The following BBS9 variants were observed in gnomAD, a reference collection of about 807,000 sequenced individuals.
The protein encoded by BBS9 is protein PTHB1.
BBS9 carries 89 observed loss-of-function variants against 117.7 expected under a neutral mutation model. That is an observed-to-expected ratio of 0.76 (90% CI 0.64 to 0.90). BBS9 has a LOEUF of 0.90. Ranked by LOEUF, BBS9 falls within the 40% of genes least tolerant of loss-of-function variation. The pLI is 0.00. For missense variants in BBS9, 982 were observed against 1,042.2 expected (o/e 0.94, Z 0.80); for synonymous variants, 379 against 370.9 (o/e 1.02, Z -0.25).
intron 16 of BBS9, 105 bp from the exon 17 acceptor site, chr7:33,367,662 G>T: frequency 1.2e-6 from 1 of 857,080 alleles, no homozygotes; most frequent in South Asian, 1.3e-5. Flanking sequence ...GTTTATACAT[G>T]ACTAGTGACA....
intron 5 of BBS9, among the ~76,000 whole-genome samples, chr7:33,196,923 A>G (rs916363858): frequency 4.6e-5 from 7 of 152,164 alleles, no homozygotes; most frequent in Non-Finnish European, 8.8e-5. Context: ...AAGGTTATAA[A>G]GAGAGTTCCC....
intron 16 of BBS9, among the ~76,000 whole-genome samples, chr7:33,367,520 G>A (rs1445179885): frequency 6.6e-6 from 1 of 152,208 alleles, no homozygotes; most frequent in South Asian, 2.1e-4. Context: ...CACGTGTTCT[G>A]TCTCATATGT....
Position 33,565,833 on chromosome 7 carries a change from ATATATACTGCT to A in BBS9, c.2521+31664_2521+31674del, listed in dbSNP as rs1268049916. On this transcript the variant is annotated intron_variant, in intron 21 of 22. Transcript: ENST00000242067. ...TATATATATATATATATATACCGCT[ATATATACTGCT>A]TATATATATATATATATATATATAT... Among the ~76,000 whole-genome samples, 21 of 44,290 alleles carry A rather than the reference ATATATACTGCT, an allele frequency of 4.7e-4. No homozygotes were observed. The African/African-American group carries it at 5.7e-3, about 12-fold the overall frequency. The allele number at this position is 44,290 out of a possible 152,430, so 29.1% of individuals were successfully genotyped here.
At chr7:33,546,018 C>T (rs1357497368) in intron 21 of BBS9, among the ~76,000 whole-genome samples, 1 of 141,094 alleles carries the variant, frequency 7.1e-6, no homozygotes, top group African/African-American at 2.6e-5. Flanking sequence ...ACTGCAAGCT[C>T]CGCCTCCCAG....
At chr7:33,284,480 T>C (rs1802506127) in intron 9 of BBS9, among the ~76,000 whole-genome samples, 1 of 152,178 alleles carries the variant, frequency 6.6e-6, no homozygotes, top group Non-Finnish European at 1.5e-5. Flanking sequence ...ATTTTTTCTG[T>C]AAATGCCACA....
intron 19 of BBS9, among the ~76,000 whole-genome samples, chr7:33,403,196 A>G (rs982757816): frequency 6.6e-6 from 1 of 151,606 alleles, no homozygotes; most frequent in Non-Finnish European, 1.5e-5. Context: ...CCTGTCACCC[A>G]GGTAGTGAAC....
At chr7:33,459,672 T>G (rs1839169406) in intron 19 of BBS9, among the ~76,000 whole-genome samples, 1 of 152,128 alleles carries the variant, frequency 6.6e-6, no homozygotes. Context: ...GCTCCAGGTT[T>G]GTCTTATATA....
intron 5 of BBS9, among the ~76,000 whole-genome samples, chr7:33,217,828 A>G (rs56076132): frequency 0.11 from 17,185 of 152,228 alleles, 1,143 homozygotes; most frequent in African/African-American, 0.18. Context: ...GACCAAGCCA[A>G]CTGGCTGGAG....
At chr7:33,473,336 C>CCT (rs1563223440) in intron 19 of BBS9, among the ~76,000 whole-genome samples, 1 of 147,114 alleles carries the variant, frequency 6.8e-6, no homozygotes, top group Non-Finnish European at 1.5e-5. Flanking sequence ...CTCACCCCCC[C>CCT]GCCCCGAGGC....
chr7:33,516,650 T>A (rs1409693833), intron 20 of BBS9, among the ~76,000 whole-genome samples: 1 of 152,144 alleles, frequency 6.6e-6, no homozygotes, highest in Non-Finnish European at 1.5e-5. Flanking sequence ...CTTCCTATCT[T>A]GGAGTAGGTG....
chr7:33,446,312 T>C (rs1216218492), intron 19 of BBS9, among the ~76,000 whole-genome samples: 1 of 152,220 alleles, frequency 6.6e-6, no homozygotes. Flanking sequence ...TAAGGTACAA[T>C]TCTTAGTCCA....
At chr7:33,485,435 G>A (rs1337893938) in intron 19 of BBS9, among the ~76,000 whole-genome samples, 2 of 148,242 alleles carry the variant, frequency 1.3e-5, no homozygotes, top group African/African-American at 2.5e-5. Context: ...TCAGCCTCCC[G>A]AGTAGCTGGG....
chr7:33,577,694 CAT>C (rs962211840), intron 21 of BBS9, among the ~76,000 whole-genome samples: 5 of 152,110 alleles, frequency 3.3e-5, no homozygotes, highest in Non-Finnish European at 5.9e-5. Flanking sequence ...AAATGTGGCA[CAT>C]ATACACCATG....
chr7:33,629,303 T>TG (rs755650763), intron 21 of BBS9, among the ~76,000 whole-genome samples: 14 of 152,158 alleles, frequency 9.2e-5, no homozygotes, highest in Admixed American at 2.6e-4. Context: ...AAATCCTGCA[T>TG]GGGGGGGTTC....
chr7:33,264,420 T>C, intron 7 of BBS9, 46 bp downstream of exon 7: 1 of 1,075,458 alleles, frequency 9.3e-7, no homozygotes, highest in Non-Finnish European at 1.4e-6. Context: ...ATGCTATATC[T>C]AATCACATAT....
chr7:33,557,969 G>A (rs879437707), intron 21 of BBS9, among the ~76,000 whole-genome samples: 8 of 152,218 alleles, frequency 5.3e-5, no homozygotes, highest in Non-Finnish European at 1.2e-4. Context: ...AGTAGCTTAC[G>A]TAGAGCCCTT....
At position 33,465,859 on chromosome 7, in the gene BBS9, A is replaced by C. The variant is rs184682617; in HGVS notation, c.2116-39604A>C. 2.1e-3 allele frequency among the ~76,000 whole-genome samples: 317 copies of C among 152,266 alleles called. 6 individuals are homozygous for C. The South Asian group carries it at 0.039, about 19-fold the overall frequency. ...TTGCTGACAGTTAACTGGACTATTA[A>C]CTTGAAAAAATACCCTTTCTAGCAA... On this transcript the variant is annotated intron_variant, in intron 19 of 22. Transcript: ENST00000242067.
At chr7:33,442,264 A>T (rs1324803847) in intron 19 of BBS9, among the ~76,000 whole-genome samples, 4 of 152,170 alleles carry the variant, frequency 2.6e-5, no homozygotes, top group Non-Finnish European at 4.4e-5. Context: ...CTTGGTCTAA[A>T]CGCCCTTGAT....
chr7:33,209,044 A>T (rs1787513005), intron 5 of BBS9, among the ~76,000 whole-genome samples: 1 of 152,098 alleles, frequency 6.6e-6, no homozygotes, highest in Non-Finnish European at 1.5e-5. Flanking sequence ...ATTAGATCTT[A>T]TTTATTCTTT....
Sources: allele counts gnomAD v4.1 joint callset (sites outside exome capture counted in the v4.1 genomes callset), GRCh38; gene constraint gnomAD v4.1.1; transcripts MANE v1.5; gene names NCBI Gene and HGNC (gene_info 2026-07-23, HGNC 2026-07-21).